EHMT1: variants seen among roughly 807,000 people sequenced by gnomAD.
EHMT1 encodes histone-lysine N-methyltransferase EHMT1.
A neutral mutation model predicts 147.2 loss-of-function variants in EHMT1; 15 were observed. That is an observed-to-expected ratio of 0.10 (90% CI 0.07 to 0.16). EHMT1 has a LOEUF of 0.16. EHMT1 is among the 10% of genes least tolerant of loss of function. The pLI, the probability that EHMT1 is intolerant of heterozygous loss-of-function variation, is 1.00. For synonymous variants in EHMT1, 795 were observed against 709.6 expected (o/e 1.12, Z -1.91); for missense variants, 1,587 against 1,772.4 (o/e 0.90, Z 1.88).
chr9:137,659,983 T>C, intron 1 of EHMT1, among the ~76,000 whole-genome samples: 1 of 152,118 alleles, frequency 6.6e-6, no homozygotes, highest in African/African-American at 2.4e-5. Context: ...ATTGACCTTT[T>C]TCTGTGATTG....
At chr9:137,739,406 T>G (rs189255267) in intron 4 of EHMT1, among the ~76,000 whole-genome samples, 3 of 152,210 alleles carry the variant, frequency 2.0e-5, no homozygotes, top group African/African-American at 7.2e-5. Flanking sequence ...TAAAGCAGTT[T>G]GAGTGTCCAC....
At chr9:137,822,616 C>T (rs532986698) in intron 25 of EHMT1, among the ~76,000 whole-genome samples, 62 of 151,858 alleles carry the variant, frequency 4.1e-4, no homozygotes, top group East Asian at 2.0e-4. Flanking sequence ...CAGTTTGGGC[C>T]GGGCGCAGTG....
chr9:137,712,195 G>C (rs547266398), intron 2 of EHMT1, among the ~76,000 whole-genome samples: 1 of 152,120 alleles, frequency 6.6e-6, no homozygotes, highest in East Asian at 1.9e-4. Context: ...AGTGCCCTCC[G>C]GCTCTTCCCC....
rs546207427 is a variant in EHMT1, at chr9:137,750,420, A to T, written c.1171-1911A>T. ...AAAGACAAACCACAATATCAGACCT[A>T]AAAAGTTAGTTGTAATTTCTTAATA... On this transcript the variant is annotated intron_variant, in intron 6 of 26. Transcript: ENST00000460843. 7.2e-5 allele frequency among the ~76,000 whole-genome samples: 11 copies of T among 152,372 alleles called. No homozygotes were observed. In the South Asian group the frequency reaches 2.3e-3, roughly 32 times the overall value.
intron 10 of EHMT1, among the ~76,000 whole-genome samples, chr9:137,772,792 C>T (rs1383687598): frequency 2.6e-5 from 4 of 152,238 alleles, no homozygotes; most frequent in African/African-American, 7.2e-5. Context: ...CCCTCCCACC[C>T]ATGGTGACCT....
At chr9:137,800,790 G>T in intron 17 of EHMT1, 90 bp from the exon 18 acceptor site, 1 of 1,094,802 alleles carries the variant, frequency 9.1e-7, no homozygotes, top group East Asian at 2.5e-5. Flanking sequence ...TGGTACCTGG[G>T]AGGTGCAGAG....
At chr9:137,692,382 A>G (rs1234824967) in intron 1 of EHMT1, among the ~76,000 whole-genome samples, 1 of 150,432 alleles carries the variant, frequency 6.6e-6, no homozygotes, top group East Asian at 2.0e-4. Context: ...CTCCTGCCTC[A>G]GCCTCCCAAG....
Position 137,776,552 on chromosome 9 carries a change from T to C in EHMT1, c.1792-66T>C. Reference sequence around the variant, plus strand: ...GTGGGATGCGGTGCCAGTTTAGTAGTACTTTATTTTTCTAAATATTAACCC... The same window carrying C: ...GTGGGATGCGGTGCCAGTTTAGTAGCACTTTATTTTTCTAAATATTAACCC... On this transcript the variant is annotated intron_variant, in intron 11 of 26. Coordinates refer to ENST00000460843, the MANE Select transcript of EHMT1 (RefSeq NM_024757.5). The surrounding 1 kb of genome is among the most constrained non-coding windows in gnomAD (Gnocchi z 4.4). 6.6e-7 allele frequency: 1 copy of C among 1,522,822 alleles called. No homozygotes were observed. The highest frequency in any genetic ancestry group is 1.1e-5 in the South Asian group (1 of 87,598). 94.3% of individuals were successfully genotyped at this position (1,522,822 alleles called of 1,614,324 possible).
chr9:137,761,419 T>C (rs1315431397), intron 9 of EHMT1, among the ~76,000 whole-genome samples: 1 of 152,254 alleles, frequency 6.6e-6, no homozygotes, highest in Non-Finnish European at 1.5e-5. Context: ...TCCATTTTAA[T>C]TTACTTTAAC....
At chr9:137,789,011 C>G (rs537462336) in intron 15 of EHMT1, 1 of 152,458 alleles carries the variant, frequency 6.6e-6, no homozygotes, top group Non-Finnish European at 1.5e-5. Context: ...CCTTTTGCTC[C>G]GCTGCTTCCC....
intron 18 of EHMT1, among the ~76,000 whole-genome samples, chr9:137,807,973 GTATGGTGC>G (rs1055846298): frequency 6.6e-6 from 1 of 152,220 alleles, no homozygotes; most frequent in African/African-American, 2.4e-5. Flanking sequence ...TGCAAAACTT[GTATGGTGC>G]TAAGGACTCT....
chr9:137,707,721 T>C (rs1213080186), intron 1 of EHMT1, among the ~76,000 whole-genome samples: 1 of 152,172 alleles, frequency 6.6e-6, no homozygotes, highest in African/African-American at 2.4e-5. Context: ...GTGGGTAGGA[T>C]TTGTGGCTGG....
chr9:137,777,051 A>C (rs1263494930), intron 12 of EHMT1: 3 of 574,038 alleles, frequency 5.2e-6, no homozygotes, highest in East Asian at 6.1e-5. Flanking sequence ...GGTTATGTAG[A>C]TCCATTTGCC....
chr9:137,705,356 G>A lies in EHMT1; in HGVS notation c.22-5611G>A, dbSNP rs1005680728. Among the ~76,000 whole-genome samples the A allele has an allele frequency of 5.9e-5, 9 of 152,274 alleles. No homozygotes were observed. In the East Asian group the frequency reaches 1.4e-3, roughly 23 times the overall value. ...AATCTCCTGAGTGTTCTTGAGTTTG[G>A]GCAGATGTACTGAGGATAAGAAGAA... On this transcript the variant is annotated intron_variant, in intron 1 of 26. Coordinates refer to ENST00000460843, the MANE Select transcript of EHMT1 (RefSeq NM_024757.5).
rs1384956589 is a variant in EHMT1 at position 137,677,930 on chromosome 9, G to A, written c.22-33037G>A. Among the ~76,000 whole-genome samples, 5 of 151,128 alleles carry A rather than the reference G, an allele frequency of 3.3e-5. No individual in the cohort carries two copies. The South Asian group carries it at 8.3e-4, about 25-fold the overall frequency. On this transcript the variant is annotated intron_variant, in intron 1 of 26. Coordinates refer to ENST00000460843, the MANE Select transcript of EHMT1 (RefSeq NM_024757.5). The stretch of plus-strand genomic sequence containing the variant: ...AAAAAGAAAAAAAAAAAAGCCGGGC[G>A]TGGCGGCGGGCGCCTGTAGTCCCAG...
intron 1 of EHMT1, among the ~76,000 whole-genome samples, chr9:137,659,801 T>C (rs1263282157): frequency 6.6e-6 from 1 of 152,050 alleles, no homozygotes; most frequent in African/African-American, 2.4e-5. Flanking sequence ...GGTCTCAAAC[T>C]CGTGGGCTCA....
At chr9:137,706,497 T>A (rs1048685143) in intron 1 of EHMT1, among the ~76,000 whole-genome samples, 1 of 152,222 alleles carries the variant, frequency 6.6e-6, no homozygotes, top group African/African-American at 2.4e-5. Flanking sequence ...CTCCCCTTAT[T>A]TATTTTTGAG....
intron 1 of EHMT1, among the ~76,000 whole-genome samples, chr9:137,655,346 A>G (rs74556653): frequency 0.012 from 1,843 of 152,094 alleles, 31 homozygotes; most frequent in African/African-American, 0.042. Context: ...TACACTGGCA[A>G]CCTCACTGGT....
intron 23 of EHMT1, chr9:137,816,547 C>T (rs984264898): frequency 1.7e-4 from 33 of 190,808 alleles, no homozygotes; most frequent in African/African-American, 7.0e-4. Context: ...GCTTGCCCAG[C>T]GCCCTTCCCC....
Sources: gnomAD v4.1 joint callset for allele counts (sites outside exome capture counted in the v4.1 genomes callset) on GRCh38, gnomAD v4.1.1 for gene constraint, Gnocchi (gnomAD v3.1) non-coding constraint, MANE v1.5 for transcripts, NCBI Gene and HGNC (gene_info 2026-07-23, HGNC 2026-07-21) for gene names.